CBFA2T2: variants seen among roughly 807,000 people sequenced by gnomAD.
CBFA2T2 encodes the protein protein CBFA2T2.
In CBFA2T2, 11 loss-of-function variants were observed where a neutral mutation model predicts 62.2. The ratio of observed to expected loss-of-function variants is 0.18; its 90% confidence interval spans 0.11 to 0.29. The LOEUF (loss-of-function observed/expected upper bound fraction) is 0.29, where lower values mean the gene tolerates loss of function less well. CBFA2T2 is among the 10% of genes least tolerant of loss of function. The probability of loss-of-function intolerance (pLI) is 1.00; values close to 1 mark genes in which losing one functional copy is unlikely to be tolerated. For synonymous variants in CBFA2T2, 295 were observed against 287.5 expected (o/e 1.03, Z -0.27); for missense variants, 592 against 774.1 (o/e 0.76, Z 2.79).
intron 1 of CBFA2T2, among the ~76,000 whole-genome samples, chr20:33,584,277 T>C (rs1192117295): frequency 6.6e-6 from 1 of 150,794 alleles, no homozygotes; most frequent in African/African-American, 2.4e-5. Context: ...TTTCTTTTTT[T>C]TTTTTTGAGA....
chr20:33,637,962 C>T lies in CBFA2T2; in HGVS notation c.1297+1254C>T, dbSNP rs564764990. 2.7e-3 allele frequency among the ~76,000 whole-genome samples: 365 copies of T among 134,918 alleles called. 4 individuals are homozygous for T. The highest frequency in any genetic ancestry group is 1.0e-2 in the African/African-American group (346 of 34,754). The allele number at this position is 134,918 out of a possible 152,430, so 88.5% of individuals were successfully genotyped here. A position where few individuals can be genotyped will look rare whatever the true frequency, so the allele number is the denominator to read the frequency against. ...GATTACAGACGTGAGCCACTGCACCCGGCCTTTTTTTTTTTTTTTTTTTTT... is the reference window on the plus strand; with the variant it reads ...GATTACAGACGTGAGCCACTGCACCTGGCCTTTTTTTTTTTTTTTTTTTTT... On this transcript the variant is annotated intron_variant, in intron 9 of 10. Coordinates refer to ENST00000342704, the MANE Select transcript of CBFA2T2 (RefSeq NM_001032999.3).
chr20:33,611,228 C>A lies in CBFA2T2; in HGVS notation c.313C>A (p.Arg105=). 1.2e-6 allele frequency: 2 copies of A among 1,614,146 alleles called. No homozygotes were observed. The highest frequency in any genetic ancestry group is 1.7e-6 in the Non-Finnish European group (2 of 1,180,020). The stretch of plus-strand genomic sequence containing the variant: ...GCAATTGCCAGCCACTTGTGGTGCT[C>A]GACAACTCAGCAAGTTGAAACGCTT... ...NQQLPATCGA[R]QLSKLKRFLT... Residue 105 remains arginine, a synonymous_variant, in exon 3 of 11, where the codon CGA becomes AGA. Transcript: ENST00000342704.
chr20:33,550,769 G>C (rs971669361), intron 1 of CBFA2T2, among the ~76,000 whole-genome samples: 1 of 152,020 alleles, frequency 6.6e-6, no homozygotes, highest in Admixed American at 6.6e-5. Context: ...TTACAGGTTC[G>C]TACCACCACA....
At chr20:33,547,552 T>C (rs1313138299) in intron 1 of CBFA2T2, among the ~76,000 whole-genome samples, 1 of 152,026 alleles carries the variant, frequency 6.6e-6, no homozygotes, top group Non-Finnish European at 1.5e-5. Context: ...CATGGTGACA[T>C]GCACCTGTAG....
Position 33,620,178 on chromosome 20 carries a change from G to A in CBFA2T2, c.510+572G>A, listed in dbSNP as rs559276751. 5.7e-4 allele frequency among the ~76,000 whole-genome samples: 87 copies of A among 152,232 alleles called. 1 individual carries two copies. The highest frequency in any genetic ancestry group is 2.0e-3 in the African/African-American group (82 of 41,554). ...TACATGATAAATGAAATGAGGCCAT[G>A]TTATATATGTTATATTTACATGGAA... On this transcript the variant is annotated intron_variant, in intron 4 of 10. Transcript: ENST00000342704.
chr20:33,543,539 A>C (rs2012461241), intron 1 of CBFA2T2, among the ~76,000 whole-genome samples: 1 of 152,208 alleles, frequency 6.6e-6, no homozygotes, highest in South Asian at 2.1e-4. Flanking sequence ...CGTACTAGAG[A>C]ACCTGGAAAG....
At position 33,628,367 on chromosome 20, in the gene CBFA2T2, C is replaced by A; in HGVS notation, c.964C>A (p.Gln322Lys). ...HHSLGLNGGY[Q>K]DELVDHRLTE... ...TCTAATAGGTCTAAATGGAGGCTATCAAGATGAGTTGGTAGATCATCGTTT... is the reference window on the plus strand; with the variant it reads ...TCTAATAGGTCTAAATGGAGGCTATAAAGATGAGTTGGTAGATCATCGTTT... Residue 322 changes from glutamine (Q) to lysine (K), a missense_variant, in exon 7 of 11, where the codon CAA becomes AAA. Gln to Lys is a moderately conservative substitution (Grantham distance 53). Transcript: ENST00000342704. 1 of 1,611,864 alleles carries A rather than the reference C, an allele frequency of 6.2e-7. No homozygotes were observed. The highest frequency in any genetic ancestry group is 8.5e-7 in the Non-Finnish European group (1 of 1,177,950).
chr20:33,613,789 A>G (rs1489898073), intron 3 of CBFA2T2, among the ~76,000 whole-genome samples: 4 of 152,208 alleles, frequency 2.6e-5, no homozygotes, highest in Non-Finnish European at 5.9e-5. Flanking sequence ...ATCTTACTGG[A>G]TCCAGAGTAA....
chr20:33,588,971 G>A (rs1355746662), intron 1 of CBFA2T2, among the ~76,000 whole-genome samples: 1 of 151,692 alleles, frequency 6.6e-6, no homozygotes, highest in Non-Finnish European at 1.5e-5. Context: ...AAAACAAGAA[G>A]CTGAAAGGAG....
rs116256875 is a variant in CBFA2T2 at position 33,497,485 on chromosome 20, T to C, written c.34+7184T>C. Among the ~76,000 whole-genome samples, 475 of 151,686 alleles carry C rather than the reference T, an allele frequency of 3.1e-3. 3 individuals carry two copies. Among genetic ancestry groups the C allele is most frequent in the African/African-American group, 0.011 (453 of 41,382 alleles). On this transcript the variant is annotated intron_variant, in intron 1 of 10. Coordinates refer to ENST00000342704, the MANE Select transcript of CBFA2T2 (RefSeq NM_001032999.3). ...TTCCATTATTAAACCCTCCTTGAAT[T>C]AACCTTACTGGAGTATGCCATGTTT...
At chr20:33,560,348 C>T (rs2013040199) in intron 1 of CBFA2T2, among the ~76,000 whole-genome samples, 1 of 152,214 alleles carries the variant, frequency 6.6e-6, no homozygotes, top group Non-Finnish European at 1.5e-5. Context: ...AGTGCTCTAG[C>T]TGTGAATTCA....
intron 3 of CBFA2T2, among the ~76,000 whole-genome samples, chr20:33,613,648 C>A (rs1029112264): frequency 1.3e-5 from 2 of 152,152 alleles, no homozygotes; most frequent in Non-Finnish European, 2.9e-5. Flanking sequence ...GAAGGAAAAC[C>A]CGTGTTTAGC....
intron 2 of CBFA2T2, among the ~76,000 whole-genome samples, chr20:33,607,743 C>A (rs2015390191): frequency 6.6e-6 from 1 of 152,164 alleles, no homozygotes; most frequent in Admixed American, 6.6e-5. Context: ...AGGGACTACT[C>A]ATAATACCTC....
intron 7 of CBFA2T2, among the ~76,000 whole-genome samples, chr20:33,629,354 G>A (rs1203518666): frequency 6.6e-6 from 1 of 152,222 alleles, no homozygotes; most frequent in African/African-American, 2.4e-5. Context: ...TTAGAAATGT[G>A]TGTGTGCCTT....
chr20:33,524,613 A>G (rs2011833827), intron 1 of CBFA2T2, among the ~76,000 whole-genome samples: 1 of 152,190 alleles, frequency 6.6e-6, no homozygotes, highest in Non-Finnish European at 1.5e-5. Context: ...TAAAAAAAAA[A>G]TCCAGATGCT....
chr20:33,560,630 C>T (rs555797296), intron 1 of CBFA2T2, among the ~76,000 whole-genome samples: 1 of 152,278 alleles, frequency 6.6e-6, no homozygotes, highest in South Asian at 2.1e-4. Context: ...AATAGCCTTC[C>T]TTCCTATTTG....
chr20:33,544,498 C>G (rs1440391715), intron 1 of CBFA2T2, among the ~76,000 whole-genome samples: 1 of 152,126 alleles, frequency 6.6e-6, no homozygotes, highest in Non-Finnish European at 1.5e-5. Flanking sequence ...TTGCTAGTTT[C>G]AGAGAAGACA....
intron 1 of CBFA2T2, among the ~76,000 whole-genome samples, chr20:33,602,644 A>C (rs888937161): frequency 6.6e-6 from 1 of 152,036 alleles, no homozygotes; most frequent in East Asian, 1.9e-4. Context: ...CCCTACATAC[A>C]TTCCTTTTGG....
intron 1 of CBFA2T2, among the ~76,000 whole-genome samples, chr20:33,527,137 GTTC>G (rs1218740603): frequency 6.6e-6 from 1 of 152,116 alleles, no homozygotes; most frequent in East Asian, 1.9e-4. Flanking sequence ...AAAAAGTATT[GTTC>G]TTCTTAATCT....
Sources: gnomAD v4.1 joint callset for allele counts (sites outside exome capture counted in the v4.1 genomes callset) on GRCh38, gnomAD v4.1.1 for gene constraint, MANE v1.5 for transcripts, NCBI Gene and HGNC (gene_info 2026-07-23, HGNC 2026-07-21) for gene names.